The following KALRN variants were observed in gnomAD, a reference collection of about 807,000 sequenced individuals.
KALRN encodes the protein kalirin RhoGEF kinase.
Under a neutral mutation model 353.7 loss-of-function variants are expected in KALRN, and 70 were observed. The observed-to-expected ratio is 0.20, with a 90% CI of 0.16 to 0.24. KALRN has a LOEUF of 0.24. Ranked by LOEUF, KALRN falls within the 10% of genes least tolerant of loss-of-function variation. The pLI is 1.00. For missense variants in KALRN, 2,791 were observed against 3,756.7 expected (o/e 0.74, Z 6.72); for synonymous variants, 1,391 against 1,434.8 (o/e 0.97, Z 0.69).
At chr3:124,059,269 A>C (rs1339037641) in intron 1 of KALRN, among the ~76,000 whole-genome samples, 1 of 152,190 alleles carries the variant, frequency 6.6e-6, no homozygotes, top group Non-Finnish European at 1.5e-5. Flanking sequence ...TATAAATGAA[A>C]AGTATTTTCT....
At chr3:124,588,142 G>A (rs1350484200) in intron 34 of KALRN, among the ~76,000 whole-genome samples, 1 of 152,164 alleles carries the variant, frequency 6.6e-6, no homozygotes, top group Non-Finnish European at 1.5e-5. Flanking sequence ...AAGAAAGAAG[G>A]CAAATGCATT....
At chr3:124,169,191 A>G (rs1465451482) in intron 1 of KALRN, among the ~76,000 whole-genome samples, 2 of 152,186 alleles carry the variant, frequency 1.3e-5, no homozygotes, top group East Asian at 3.8e-4. Context: ...TGAGGCACAT[A>G]AATGATTTCC....
intron 38 of KALRN, among the ~76,000 whole-genome samples, chr3:124,654,595 T>C (rs1419180798): frequency 6.6e-6 from 1 of 152,200 alleles, no homozygotes; most frequent in Non-Finnish European, 1.5e-5. Context: ...TAGCATTTTA[T>C]GTAAAGCTCT....
chr3:124,500,883 CT>C (rs5852405), intron 33 of KALRN, among the ~76,000 whole-genome samples: 76,370 of 151,872 alleles, frequency 0.5, 19,554 homozygotes, highest in African/African-American at 0.58. Flanking sequence ...TGCAGTCACA[CT>C]TTAGAAGAAA....
rs375653971 is a variant in KALRN, at chr3:124,398,808, C to T, written c.2283C>T (p.His761=). The change falls in exon 13 of 60, where the codon CAC becomes CAT. Residue 761 remains histidine (H), a synonymous_variant. Coordinates refer to ENST00000682506, the MANE Select transcript of KALRN (RefSeq NM_001388419.1). ...AGGTGCAGATGGAGGAGCTGTTCCA[C>T]GAGCGGAAGATCAAGCTGGACATCT... ...DAQVQMEELF[H]ERKIKLDIFL... 91 of 1,614,158 alleles carry T rather than the reference C, an allele frequency of 5.6e-5. No homozygotes were observed. The Middle Eastern group carries it at 6.6e-4, about 12-fold the overall frequency.
intron 1 of KALRN, among the ~76,000 whole-genome samples, chr3:124,038,787 T>C (rs2039662277): frequency 1.3e-5 from 2 of 152,226 alleles, no homozygotes; most frequent in African/African-American, 4.8e-5. Flanking sequence ...AAACTAGCTC[T>C]TCCTCTTGAC....
intron 40 of KALRN, 32 bp downstream of exon 40, chr3:124,657,583 G>A (rs910619855): frequency 1.9e-6 from 3 of 1,552,686 alleles, no homozygotes; most frequent in East Asian, 2.2e-5. Flanking sequence ...AGGATCCAGT[G>A]TCCTGGGAAT....
At chr3:124,344,729 C>T (rs2082102985) in intron 9 of KALRN, among the ~76,000 whole-genome samples, 1 of 152,064 alleles carries the variant, frequency 6.6e-6, no homozygotes, top group Non-Finnish European at 1.5e-5. Flanking sequence ...AATGATGGCA[C>T]CAGAGCATCA....
intron 26 of KALRN, 53 bp from the exon 27 acceptor site, chr3:124,477,192 C>T (rs1337470729): frequency 3.0e-6 from 4 of 1,329,264 alleles, no homozygotes; most frequent in Non-Finnish European, 4.3e-6. Context: ...GCATGGTGGA[C>T]AGAAGGGAAC....
intron 34 of KALRN, among the ~76,000 whole-genome samples, chr3:124,611,730 G>A (rs2077994682): frequency 6.6e-6 from 1 of 152,198 alleles, no homozygotes; most frequent in Non-Finnish European, 1.5e-5. Flanking sequence ...GCCCTGCAAG[G>A]CTGTGGTTCT....
At chr3:124,097,971 GA>G (rs2061568260) in intron 1 of KALRN, among the ~76,000 whole-genome samples, 2 of 152,184 alleles carry the variant, frequency 1.3e-5, no homozygotes, top group Non-Finnish European at 2.9e-5. Flanking sequence ...TCTATCAAAA[GA>G]AAAGAGCTCA....
chr3:124,664,995 A>G (rs1681918398), intron 45 of KALRN, among the ~76,000 whole-genome samples: 1 of 152,208 alleles, frequency 6.6e-6, no homozygotes, highest in African/African-American at 2.4e-5. Flanking sequence ...GCTTAATATT[A>G]ACTTTAGACC....
At chr3:124,533,693 G>A (rs545933738) in intron 33 of KALRN, among the ~76,000 whole-genome samples, 1 of 152,264 alleles carries the variant, frequency 6.6e-6, no homozygotes, top group East Asian at 1.9e-4. Context: ...CATATGTCAT[G>A]TAATCAGCTG....
intron 5 of KALRN, among the ~76,000 whole-genome samples, chr3:124,276,207 A>G (rs576816425): frequency 4.6e-5 from 7 of 151,772 alleles, no homozygotes; most frequent in Admixed American, 1.3e-4. Context: ...GTTAATCACC[A>G]TGAGAAAATC....
intron 13 of KALRN, among the ~76,000 whole-genome samples, chr3:124,405,402 C>T (rs2091407116): frequency 6.6e-6 from 1 of 152,146 alleles, no homozygotes; most frequent in South Asian, 2.1e-4. Flanking sequence ...AGGTGTTCAG[C>T]TTACACAGGG....
chr3:124,388,165 C>T (rs572017710), intron 11 of KALRN, among the ~76,000 whole-genome samples: 1 of 152,174 alleles, frequency 6.6e-6, no homozygotes, highest in African/African-American at 2.4e-5. Flanking sequence ...GGGAGAATTA[C>T]TCTTAATCTC....
At chr3:124,226,028 G>A (rs1055072469) in intron 1 of KALRN, among the ~76,000 whole-genome samples, 10 of 152,054 alleles carry the variant, frequency 6.6e-5, no homozygotes, top group Admixed American at 2.6e-4. Flanking sequence ...AGAGGAAAGC[G>A]TTTTAAAATT....
chr3:124,610,376 G>A (rs2077798220), intron 34 of KALRN, among the ~76,000 whole-genome samples: 1 of 152,178 alleles, frequency 6.6e-6, no homozygotes, highest in Non-Finnish European at 1.5e-5. Context: ...GAGAGAAAAG[G>A]AACTAGGGGG....
chr3:124,341,234 T>C (rs1028793167), intron 9 of KALRN, among the ~76,000 whole-genome samples: 2 of 152,202 alleles, frequency 1.3e-5, no homozygotes, highest in Non-Finnish European at 2.9e-5. Flanking sequence ...ACCAAGAAGA[T>C]CTTTACAAGT....
Sources: gnomAD v4.1 joint callset for allele counts (sites outside exome capture counted in the v4.1 genomes callset) on GRCh38, gnomAD v4.1.1 for gene constraint, MANE v1.5 for transcripts, NCBI Gene and HGNC (gene_info 2026-07-23, HGNC 2026-07-21) for gene names.